MRC2: variants seen among roughly 807,000 people sequenced by gnomAD.
MRC2 encodes the protein mannose receptor C-type 2, also known as C-type mannose receptor 2.
A neutral mutation model predicts 206.2 loss-of-function variants in MRC2; 84 were observed. That is an observed-to-expected ratio of 0.41 (90% CI 0.34 to 0.49). The LOEUF (loss-of-function observed/expected upper bound fraction) is 0.49, where lower values mean the gene tolerates loss of function less well. Ranked by LOEUF, MRC2 falls within the 20% of genes least tolerant of loss-of-function variation. The pLI is 0.31. For missense variants in MRC2, 1,676 were observed against 2,001.5 expected (o/e 0.84, Z 3.10); for synonymous variants, 798 against 800.0 (o/e 1.00, Z 0.04).
Position 62,667,580 on chromosome 17 carries a change from A to G in MRC2, c.1117+47A>G. On this transcript the variant is annotated intron_variant, in intron 6 of 29. Transcript: ENST00000303375. This position sits in a 1 kb window ranked among gnomAD's most constrained non-coding sequence, Gnocchi z 4.1. ...AGGGTGGGGAGGGGCTCCCAGGGCC[A>G]GGGACACAGCCACAGAGCCGTGGCA... The G allele has an allele frequency of 6.4e-7, 1 of 1,558,626 alleles. No homozygotes were observed. The highest frequency in any genetic ancestry group is 8.6e-7 in the Non-Finnish European group (1 of 1,162,944).
chr17:62,651,682 C>T (rs997453230), intron 1 of MRC2, among the ~76,000 whole-genome samples: 1 of 152,184 alleles, frequency 6.6e-6, no homozygotes, highest in Admixed American at 6.5e-5. Flanking sequence ...TCAAGCAATT[C>T]TCCTGCCTCA....
chr17:62,650,967 C>T (rs931022786), intron 1 of MRC2, among the ~76,000 whole-genome samples: 4 of 152,202 alleles, frequency 2.6e-5, no homozygotes, highest in Non-Finnish European at 4.4e-5. Context: ...GTCCAGGTTC[C>T]TTGAACATCC....
chr17:62,653,915 G>A (rs1189446431), intron 1 of MRC2, among the ~76,000 whole-genome samples: 1 of 152,160 alleles, frequency 6.6e-6, no homozygotes, highest in Non-Finnish European at 1.5e-5. Flanking sequence ...GATCTAATGT[G>A]CATGCATGTA....
chr17:62,676,586 C>A, intron 11 of MRC2, 55 bp downstream of exon 11: 1 of 1,533,932 alleles, frequency 6.5e-7, no homozygotes, highest in Non-Finnish European at 8.8e-7. Flanking sequence ...CCAGGGTGGA[C>A]TGGCCCTGCC....
intron 1 of MRC2, among the ~76,000 whole-genome samples, chr17:62,649,067 G>T (rs2088524497): frequency 3.3e-5 from 5 of 152,226 alleles, no homozygotes; most frequent in Admixed American, 3.3e-4. Context: ...GCTTGCGGAA[G>T]TGAGGCAGCC....
chr17:62,672,275 G>T lies in MRC2; in HGVS notation c.1461+123G>T. On this transcript the variant is annotated intron_variant, in intron 8 of 29. Coordinates refer to ENST00000303375, the MANE Select transcript of MRC2 (RefSeq NM_006039.5). The surrounding 1 kb of genome is among the most constrained non-coding windows in gnomAD (Gnocchi z 4.5). ...GCCTGGAACCTCTTACCTCTCAGCA[G>T]TCCCCCTCCTCCCCACCAATGCCTT... 2 of 1,130,926 alleles carry T rather than the reference G, an allele frequency of 1.8e-6. No homozygotes were observed. The highest frequency in any genetic ancestry group is 2.6e-6 in the Non-Finnish European group (2 of 781,832). 70.1% of individuals were successfully genotyped at this position (1,130,926 alleles called of 1,614,324 possible). A position where few individuals can be genotyped will look rare whatever the true frequency, so the allele number is the denominator to read the frequency against.
intron 23 of MRC2, 49 bp from the exon 24 acceptor site, chr17:62,689,473 G>C (rs779754807): frequency 1.6e-6 from 2 of 1,274,920 alleles, no homozygotes; most frequent in Non-Finnish European, 2.2e-6. Flanking sequence ...GCCTGGGAAC[G>C]GGGTGAGGGA....
chr17:62,646,021 C>CTTTTTT (rs1347844107), intron 1 of MRC2, among the ~76,000 whole-genome samples: 1 of 127,322 alleles, frequency 7.9e-6, no homozygotes, highest in African/African-American at 3.3e-5. Flanking sequence ...CTGTCCTTTT[C>CTTTTTT]TATTTTTTTT....
intron 1 of MRC2, among the ~76,000 whole-genome samples, chr17:62,661,244 T>C (rs967077736): frequency 2.0e-5 from 3 of 152,226 alleles, no homozygotes; most frequent in African/African-American, 7.2e-5. Flanking sequence ...TGAATCTCAT[T>C]TGAAGAATGA....
chr17:62,680,704 C>A lies in MRC2; in HGVS notation c.2474-96C>A. The A allele has an allele frequency of 7.3e-7, 1 of 1,371,768 alleles. No homozygotes were observed. Among genetic ancestry groups the A allele is most frequent in the South Asian group, 1.6e-5 (1 of 61,218 alleles). The allele number at this position is 1,371,768 out of a possible 1,614,324, so 85.0% of individuals were successfully genotyped here. On this transcript the variant is annotated intron_variant, in intron 16 of 29. Transcript: ENST00000303375. The surrounding 1 kb of genome is among the most constrained non-coding windows in gnomAD (Gnocchi z 4.8). ...GTGTGCCTGCAGGCTCGCCTGCTGC[C>A]GCCTGGCTCTGCCCCGGCCCTGCCG...
chr17:62,648,764 T>G (rs917186698), intron 1 of MRC2, among the ~76,000 whole-genome samples: 5 of 152,190 alleles, frequency 3.3e-5, no homozygotes, highest in Non-Finnish European at 7.3e-5. Flanking sequence ...TTAATTCTTC[T>G]GAAGAGCAGC....
intron 1 of MRC2, among the ~76,000 whole-genome samples, chr17:62,662,632 G>A (rs748601028): frequency 1.1e-4 from 17 of 151,868 alleles, no homozygotes; most frequent in Non-Finnish European, 2.4e-4. Flanking sequence ...ACTAGCTGCC[G>A]GGCACGGTGG....
intron 1 of MRC2, among the ~76,000 whole-genome samples, chr17:62,657,917 A>G (rs897383744): frequency 2.0e-5 from 3 of 151,410 alleles, no homozygotes; most frequent in African/African-American, 7.3e-5. Context: ...GAACCCCCTG[A>G]CCCCGGCTTG....
At chr17:62,676,619 C>A in intron 11 of MRC2, 88 bp downstream of exon 11, 1 of 1,474,136 alleles carries the variant, frequency 6.8e-7, no homozygotes, top group South Asian at 1.4e-5. Context: ...CAGGGCTTCC[C>A]CATAAACAGA....
At position 62,672,701 on chromosome 17, in the gene MRC2, G is replaced by T. The variant is rs1370901018; in HGVS notation, c.1461+549G>T. On this transcript the variant is annotated intron_variant, in intron 8 of 29. Transcript: ENST00000303375. This position sits in a 1 kb window ranked among gnomAD's most constrained non-coding sequence, Gnocchi z 4.5. ...AGAGATGAAAGACCCTTAAAAAAGG[G>T]ACAAAGCCAGCTGAGTGTGGTGGCT... 6.6e-6 allele frequency among the ~76,000 whole-genome samples: 1 copy of T among 152,138 alleles called. No individual in the cohort carries two copies. The highest frequency in any genetic ancestry group is 2.4e-5 in the African/African-American group (1 of 41,426).
intron 12 of MRC2, among the ~76,000 whole-genome samples, chr17:62,677,740 G>T (rs2088911996): frequency 6.6e-6 from 1 of 152,190 alleles, no homozygotes; most frequent in Non-Finnish European, 1.5e-5. Flanking sequence ...CTTCAGAATT[G>T]CTTGGGGAAC....
chr17:62,651,934 G>A (rs1254396412), intron 1 of MRC2, among the ~76,000 whole-genome samples: 2 of 152,108 alleles, frequency 1.3e-5, no homozygotes, highest in East Asian at 1.9e-4. Flanking sequence ...AATACATTTT[G>A]CTACACATTT....
Position 62,636,023 on chromosome 17 carries a change from G to A in MRC2, c.118+8103G>A, listed in dbSNP as rs566449060. Among the ~76,000 whole-genome samples, 134 of 151,992 alleles carry A rather than the reference G, an allele frequency of 8.8e-4. 1 individual carries two copies. Among genetic ancestry groups the A allele is most frequent in the African/African-American group, 3.1e-3 (129 of 41,470 alleles). The stretch of plus-strand genomic sequence containing the variant: ...AGGATGGTCTCAATCTCCTGACCTC[G>A]TGATCCACCTGCCTCGGCCTCCCAA... On this transcript the variant is annotated intron_variant, in intron 1 of 29. Transcript: ENST00000303375.
chr17:62,666,078 T>C lies in MRC2; in HGVS notation c.521-16T>C, dbSNP rs765205647. On this transcript the variant is annotated splice_polypyrimidine_tract_variant and intron_variant, in intron 2 of 29. Coordinates refer to ENST00000303375, the MANE Select transcript of MRC2 (RefSeq NM_006039.5). This position sits in a 1 kb window ranked among gnomAD's most constrained non-coding sequence, Gnocchi z 5.0. ...GTCCAGATGCCAAGGGCCTGGCCCC[T>C]GTCCACCCCCTGCAGAGGTCTACAC... 50 of 1,573,788 alleles carry C rather than the reference T, an allele frequency of 3.2e-5. No individual in the cohort carries two copies. In the South Asian group the frequency reaches 5.3e-4, roughly 17 times the overall value.
Sources: allele counts gnomAD v4.1 joint callset (sites outside exome capture counted in the v4.1 genomes callset), GRCh38; gene constraint gnomAD v4.1.1; non-coding constraint Gnocchi (gnomAD v3.1); transcripts MANE v1.5; gene names NCBI Gene and HGNC (gene_info 2026-07-23, HGNC 2026-07-21).